The following CSMD1 variants were observed in gnomAD, a reference collection of about 807,000 sequenced individuals.
CSMD1 encodes CUB and sushi domain-containing protein 1.
In CSMD1, 213 loss-of-function variants were observed where a neutral mutation model predicts 417.5. The observed-to-expected ratio is 0.51, with a 90% CI of 0.46 to 0.57. CSMD1 has a LOEUF of 0.57. CSMD1 is among the 20% of genes least tolerant of loss of function. CSMD1 has a pLI of 0.00. For synonymous variants in CSMD1, 2,862 were observed against 1,736.8 expected (o/e 1.65, Z -16.11); for missense variants, 6,923 against 4,529.7 (o/e 1.53, Z -15.17).
chr8:3,082,913 C>A (rs959611006), intron 49 of CSMD1, among the ~76,000 whole-genome samples: 1 of 152,114 alleles, frequency 6.6e-6, no homozygotes, highest in African/African-American at 2.4e-5. Flanking sequence ...AGCTTTATAT[C>A]GAATGTGAAC....
chr8:3,841,671 T>C (rs1307609191), intron 5 of CSMD1, among the ~76,000 whole-genome samples: 1 of 152,160 alleles, frequency 6.6e-6, no homozygotes, highest in African/African-American at 2.4e-5. Flanking sequence ...AAACCATGAA[T>C]ATGATTCTAA....
intron 5 of CSMD1, among the ~76,000 whole-genome samples, chr8:3,779,063 T>C (rs758322524): frequency 1.3e-5 from 2 of 152,152 alleles, no homozygotes; most frequent in Admixed American, 1.3e-4. Flanking sequence ...TTACCATTCC[T>C]GTTCTCCTCT....
intron 2 of CSMD1, among the ~76,000 whole-genome samples, chr8:4,459,650 C>G (rs1266706182): frequency 6.6e-6 from 1 of 152,246 alleles, no homozygotes; most frequent in South Asian, 2.1e-4. Flanking sequence ...CAAAGCCTGG[C>G]CTCAAAAATA....
chr8:4,085,294 C>T (rs1800361235), intron 3 of CSMD1, among the ~76,000 whole-genome samples: 1 of 152,054 alleles, frequency 6.6e-6, no homozygotes. Context: ...ACATCCTTAT[C>T]TAGTTAGGAA....
At chr8:4,179,959 A>C (rs1420577886) in intron 3 of CSMD1, among the ~76,000 whole-genome samples, 3 of 152,078 alleles carry the variant, frequency 2.0e-5, no homozygotes, top group East Asian at 1.9e-4. Context: ...GAGAAATAGG[A>C]ACACTTTTAC....
At chr8:4,016,595 C>G (rs1245525467) in intron 4 of CSMD1, among the ~76,000 whole-genome samples, 4 of 152,120 alleles carry the variant, frequency 2.6e-5, no homozygotes, top group African/African-American at 9.7e-5. Flanking sequence ...AAAGCCTTTC[C>G]CCAGATGAGG....
intron 2 of CSMD1, among the ~76,000 whole-genome samples, chr8:4,572,155 C>T (rs1196031806): frequency 2.0e-5 from 3 of 152,198 alleles, no homozygotes; most frequent in African/African-American, 7.2e-5. Flanking sequence ...TCGAACCTGT[C>T]ATCATGGTGC....
At chr8:3,393,259 C>T (rs1811456192) in intron 17 of CSMD1, among the ~76,000 whole-genome samples, 1 of 152,154 alleles carries the variant, frequency 6.6e-6, no homozygotes. Context: ...TGGAAAGTTC[C>T]AAACGCAACA....
intron 1 of CSMD1, among the ~76,000 whole-genome samples, chr8:4,931,631 A>G (rs553107938): frequency 6.6e-6 from 1 of 152,326 alleles, no homozygotes; most frequent in Non-Finnish European, 1.5e-5. Context: ...ACCATAAAAC[A>G]TCTACCTCCT....
chr8:4,270,152 G>T lies in CSMD1; in HGVS notation c.415+149801C>A, dbSNP rs569317708. ...GTGATAGGGAGGCTGGAATGTGGAC[G>T]AGAGACTTGAAGGAGGCAAGCGGTT... On this transcript the variant is annotated intron_variant, in intron 3 of 69. Transcript: ENST00000635120. Among the ~76,000 whole-genome samples the T allele has an allele frequency of 1.7e-4, 26 of 152,294 alleles. 1 individual carries two copies. The South Asian group carries it at 5.0e-3, about 29-fold the overall frequency.
intron 12 of CSMD1, among the ~76,000 whole-genome samples, chr8:3,445,517 A>C (rs1451536401): frequency 6.6e-6 from 1 of 152,182 alleles, no homozygotes; most frequent in Admixed American, 6.5e-5. Flanking sequence ...CAATGTGCAC[A>C]ACTCTTTTCA....
At chr8:4,703,669 T>C (rs1210839256) in intron 1 of CSMD1, among the ~76,000 whole-genome samples, 5 of 152,238 alleles carry the variant, frequency 3.3e-5, no homozygotes, top group African/African-American at 1.2e-4. Context: ...AGAAGACAAA[T>C]AGTAGTTGAC....
At chr8:3,048,666 G>C (rs939448861) in intron 50 of CSMD1, among the ~76,000 whole-genome samples, 1 of 152,086 alleles carries the variant, frequency 6.6e-6, no homozygotes, top group Non-Finnish European at 1.5e-5. Context: ...TGGTGCCCTT[G>C]GGTTTGGTAA....
intron 3 of CSMD1, among the ~76,000 whole-genome samples, chr8:4,370,469 A>AT (rs1391401313): frequency 6.6e-6 from 1 of 152,054 alleles, no homozygotes; most frequent in African/African-American, 2.4e-5. Flanking sequence ...AATTTCTTGC[A>AT]TTTGCATGGC....
chr8:4,132,951 TGAGATG>T (rs1803199718), intron 3 of CSMD1, among the ~76,000 whole-genome samples: 1 of 152,186 alleles, frequency 6.6e-6, no homozygotes, highest in South Asian at 2.1e-4. Flanking sequence ...TATTTATTTT[TGAGATG>T]GAGTCTCGCT....
At chr8:4,186,490 A>AATAT (rs1798684200) in intron 3 of CSMD1, among the ~76,000 whole-genome samples, 1 of 152,096 alleles carries the variant, frequency 6.6e-6, no homozygotes, top group South Asian at 2.1e-4. Flanking sequence ...TAAATAAATA[A>AATAT]ATAAGATGGA....
intron 2 of CSMD1, among the ~76,000 whole-genome samples, chr8:4,471,405 T>C (rs950880466): frequency 3.9e-5 from 6 of 152,146 alleles, no homozygotes; most frequent in African/African-American, 1.4e-4. Context: ...AAGGTTCCTA[T>C]ACAGGTAGAT....
Position 3,751,324 on chromosome 8 carries a change from G to GTA in CSMD1, c.931+2605_931+2606insTA, listed in dbSNP as rs1190157944. 3.8e-3 allele frequency among the ~76,000 whole-genome samples: 545 copies of GTA among 145,284 alleles called. 5 individuals carry two copies. Among genetic ancestry groups the GTA allele is most frequent in the South Asian group, 0.037 (166 of 4,526 alleles). Reference sequence around the variant, plus strand: ...AGTGTGTGTGTGTGTGTGTGTGTGTGTGTATATATATATATATACACGAAC... The same window carrying GTA: ...AGTGTGTGTGTGTGTGTGTGTGTGTGTATGTATATATATATATATACACGAAC... On this transcript the variant is annotated intron_variant, in intron 6 of 69. Coordinates refer to ENST00000635120, the MANE Select transcript of CSMD1 (RefSeq NM_033225.6).
intron 3 of CSMD1, among the ~76,000 whole-genome samples, chr8:4,096,512 C>G (rs1350145194): frequency 6.6e-6 from 1 of 152,100 alleles, no homozygotes; most frequent in Non-Finnish European, 1.5e-5. Context: ...CAGCCAATGA[C>G]TACTTAGAAA....
Sources: gnomAD v4.1 joint callset for allele counts (sites outside exome capture counted in the v4.1 genomes callset) on GRCh38, gnomAD v4.1.1 for gene constraint, MANE v1.5 for transcripts, NCBI Gene and HGNC (gene_info 2026-07-23, HGNC 2026-07-21) for gene names.